The following NALF1 variants were observed in gnomAD, a reference collection of about 807,000 sequenced individuals.
NALF1 encodes the protein family with sequence similarity 155 member A.
NALF1 carries 3 observed loss-of-function variants against 48.4 expected under a neutral mutation model. The ratio of observed to expected loss-of-function variants is 0.06; its 90% confidence interval spans 0.03 to 0.16. The LOEUF is 0.16. NALF1 is among the 10% of genes least tolerant of loss of function. The pLI is 1.00. For missense variants in NALF1, 526 were observed against 571.5 expected, an observed-to-expected ratio of 0.92 and a Z score of 0.81; for synonymous variants, 262 against 245.7, an observed-to-expected ratio of 1.07 and a Z score of -0.62.
Position 107,867,308 on chromosome 13 carries a change from GCC to G in NALF1, c.-714_-713del, listed in dbSNP as rs1880772073. Among the ~76,000 whole-genome samples, 1 of 8,310 alleles carries G rather than the reference GCC, an allele frequency of 1.2e-4. No homozygotes were observed. Among genetic ancestry groups the G allele is most frequent in the Non-Finnish European group, 2.8e-4 (1 of 3,580 alleles). The allele number at this position is 8,310 out of a possible 152,430, so 5.5% of individuals were successfully genotyped here. On this transcript the variant is annotated 5_prime_UTR_variant, in exon 1 of 3. An upstream open reading frame in the 5' UTR loses its in-frame stop. Transcript: ENST00000375915. The surrounding 1 kb of genome is among the most constrained non-coding windows in gnomAD (Gnocchi z 4.4). ...CCCACCCCGCGCTCTAAGTGCTGCC[GCC>G]GCCGCCGCCGCCGCCGCCGCTGCCG...
chr13:107,767,651 G>A (rs941917272), intron 1 of NALF1, among the ~76,000 whole-genome samples: 4 of 152,168 alleles, frequency 2.6e-5, no homozygotes, highest in Admixed American at 2.6e-4. Context: ...TCGGTACGCT[G>A]CTAATGGTCA....
At chr13:107,824,334 T>C (rs1879449039) in intron 1 of NALF1, among the ~76,000 whole-genome samples, 1 of 152,080 alleles carries the variant, frequency 6.6e-6, no homozygotes, top group Admixed American at 6.6e-5. Context: ...ACATAGCCCC[T>C]GCAAAAAGTA....
intron 1 of NALF1, among the ~76,000 whole-genome samples, chr13:107,748,128 A>G (rs1418310591): frequency 6.6e-6 from 1 of 152,200 alleles, no homozygotes; most frequent in Admixed American, 6.5e-5. Flanking sequence ...TCAGGAATCA[A>G]ATGGGATGTT....
intron 1 of NALF1, among the ~76,000 whole-genome samples, chr13:107,853,939 A>C (rs1594315370): frequency 6.6e-6 from 1 of 152,378 alleles, no homozygotes; most frequent in East Asian, 1.9e-4. Context: ...ATACTAAAAA[A>C]TACTTAAAGA....
chr13:107,609,035 T>C (rs959328285), intron 1 of NALF1, among the ~76,000 whole-genome samples: 2 of 152,194 alleles, frequency 1.3e-5, no homozygotes, highest in African/African-American at 2.4e-5. Flanking sequence ...AGAGCCCCAG[T>C]TGTGTACAAG....
chr13:107,650,960 A>G (rs1880437837), intron 1 of NALF1, among the ~76,000 whole-genome samples: 1 of 151,992 alleles, frequency 6.6e-6, no homozygotes, highest in Admixed American at 6.6e-5. Flanking sequence ...AGCAGAAAAG[A>G]TAACTACTAG....
At chr13:107,858,146 T>G (rs1458125159) in intron 1 of NALF1, among the ~76,000 whole-genome samples, 3 of 152,220 alleles carry the variant, frequency 2.0e-5, no homozygotes, top group African/African-American at 7.2e-5. Context: ...TGGCCATCCA[T>G]CCTAGTTGCC....
At chr13:107,510,713 C>T (rs1478605842) in intron 1 of NALF1, among the ~76,000 whole-genome samples, 2 of 152,136 alleles carry the variant, frequency 1.3e-5, no homozygotes, top group Non-Finnish European at 2.9e-5. Flanking sequence ...TTTCACAGAA[C>T]AGCAACGCCA....
At chr13:107,312,426 G>A (rs1246561957) in intron 1 of NALF1, among the ~76,000 whole-genome samples, 1 of 151,864 alleles carries the variant, frequency 6.6e-6, no homozygotes, top group Non-Finnish European at 1.5e-5. Flanking sequence ...CTGTTGTGGG[G>A]TGGGGGAAGG....
Position 107,831,689 on chromosome 13 carries a change from T to A in NALF1, c.915+33993A>T, listed in dbSNP as rs188983276. On this transcript the variant is annotated intron_variant, in intron 1 of 2. Coordinates refer to ENST00000375915, the MANE Select transcript of NALF1 (RefSeq NM_001080396.3). ...ATGAGGTAGAAATGACAGTAACTGA[T>A]TTCAGGGAAGACATTTAAGCTTTGG... Among the ~76,000 whole-genome samples the A allele has an allele frequency of 5.3e-5, 8 of 152,272 alleles. No homozygotes were observed. In the East Asian group the frequency reaches 1.5e-3, roughly 29 times the overall value.
At chr13:107,506,026 T>C (rs1202853862) in intron 1 of NALF1, among the ~76,000 whole-genome samples, 1 of 152,192 alleles carries the variant, frequency 6.6e-6, no homozygotes, top group African/African-American at 2.4e-5. Flanking sequence ...GGTAATTTAC[T>C]TGATATAATA....
intron 2 of NALF1, among the ~76,000 whole-genome samples, chr13:107,201,583 G>T (rs1393437622): frequency 1.3e-5 from 2 of 151,492 alleles, no homozygotes; most frequent in African/African-American, 4.8e-5. Context: ...TCTCAAAAAA[G>T]GAAAAAAAGA....
chr13:107,424,466 G>T (rs578001083), intron 1 of NALF1, among the ~76,000 whole-genome samples: 1 of 152,138 alleles, frequency 6.6e-6, no homozygotes, highest in African/African-American at 2.4e-5. Context: ...CAATGTAAAC[G>T]TGATGGGGGA....
intron 1 of NALF1, among the ~76,000 whole-genome samples, chr13:107,313,915 G>T (rs6492044): frequency 1.3e-5 from 2 of 151,808 alleles, no homozygotes; most frequent in Non-Finnish European, 2.9e-5. Context: ...ATAAAACCAG[G>T]CTATGTCCCA....
chr13:107,371,646 T>C (rs898585177), intron 1 of NALF1, among the ~76,000 whole-genome samples: 1 of 152,112 alleles, frequency 6.6e-6, no homozygotes, highest in Non-Finnish European at 1.5e-5. Flanking sequence ...TTAAAATTAG[T>C]CAATTAGTAG....
At position 107,618,712 on chromosome 13, in the gene NALF1, G is replaced by T. The variant is rs74719478; in HGVS notation, c.915+246970C>A. Among the ~76,000 whole-genome samples, 3,234 of 152,208 alleles carry T rather than the reference G, an allele frequency of 0.021. 198 individuals are homozygous for T. In the East Asian group the frequency reaches 0.23, roughly 11 times the overall value. ...GGATGGAGAAGACTGTGAAGGAAAT[G>T]AAGGAGTAAAGCACTCTGACTGACC... is the stretch of plus-strand genomic sequence containing the variant. On this transcript the variant is annotated intron_variant, in intron 1 of 2. Transcript: ENST00000375915.
chr13:107,818,668 C>T (rs557233652), intron 1 of NALF1, among the ~76,000 whole-genome samples: 121 of 149,854 alleles, frequency 8.1e-4, no homozygotes, highest in African/African-American at 2.6e-3. Flanking sequence ...GTCAGGAGAT[C>T]GAGACCATCC....
At chr13:107,515,524 T>C (rs1319061725) in intron 1 of NALF1, among the ~76,000 whole-genome samples, 8 of 152,202 alleles carry the variant, frequency 5.3e-5, no homozygotes, top group Non-Finnish European at 5.9e-5. Context: ...CCACATTACA[T>C]AGTTTCATGA....
intron 1 of NALF1, among the ~76,000 whole-genome samples, chr13:107,609,223 C>T (rs965824669): frequency 1.3e-5 from 2 of 152,206 alleles, no homozygotes; most frequent in Non-Finnish European, 2.9e-5. Flanking sequence ...CTCTAGAATT[C>T]TTCCTCCCCT....
Sources: allele counts gnomAD v4.1 joint callset (sites outside exome capture counted in the v4.1 genomes callset), GRCh38; gene constraint gnomAD v4.1.1; non-coding constraint Gnocchi (gnomAD v3.1); transcripts MANE v1.5; gene names NCBI Gene and HGNC (gene_info 2026-07-23, HGNC 2026-07-21).